The following SYCE1L variants were observed in gnomAD, a reference collection of about 807,000 sequenced individuals.
SYCE1L encodes synaptonemal complex central element protein 1 like.
SYCE1L carries 51 observed loss-of-function variants against 39.6 expected under a neutral mutation model. The observed-to-expected ratio is 1.29, with a 90% CI of 1.03 to 1.63. SYCE1L has a LOEUF of 1.63. Ranked by LOEUF, SYCE1L falls within the 40% of genes most tolerant of loss-of-function variation. SYCE1L has a pLI of 0.00. For missense variants in SYCE1L, 426 were observed against 304.9 expected (o/e 1.40, Z -2.96); for synonymous variants, 147 against 122.4 (o/e 1.20, Z -1.33).
Position 77,212,663 on chromosome 16 carries a change from A to C in SYCE1L, c.654+17A>C, listed in dbSNP as rs2054833846. 3 of 1,529,280 alleles carry C rather than the reference A, an allele frequency of 2.0e-6. No individual in the cohort carries two copies. The highest frequency in any genetic ancestry group is 2.6e-6 in the Non-Finnish European group (3 of 1,143,944). 94.7% of individuals were successfully genotyped at this position (1,529,280 alleles called of 1,614,324 possible). A position where few individuals can be genotyped will look rare whatever the true frequency, so the allele number is the denominator to read the frequency against. On this transcript the variant is annotated intron_variant, in intron 10 of 10. Coordinates refer to ENST00000378644, the MANE Select transcript of SYCE1L (RefSeq NM_001129979.3). ...GAGGGAGAGGTAGGGAGCCCGAGGA[A>C]GGGAGGCGGGGCGGGCAGGGACCGA...
At chr16:77,202,744 A>G (rs2054755462) in intron 1 of SYCE1L, among the ~76,000 whole-genome samples, 1 of 152,228 alleles carries the variant, frequency 6.6e-6, no homozygotes, top group Non-Finnish European at 1.5e-5. Flanking sequence ...TTCTGGGAAT[A>G]AAATGTCAAG....
In SYCE1L at chr16:77,212,613, G is replaced by C. The variant is rs970259181; in HGVS notation, c.621G>C (p.Arg207=). 1.3e-6 allele frequency: 2 copies of C among 1,535,956 alleles called. No homozygotes were observed. Among genetic ancestry groups the C allele is most frequent in the Non-Finnish European group, 8.7e-7 (1 of 1,146,454 alleles). ...AELEIFGEQV[R]SAPEVGAGEG... is the part of the protein sequence containing the mutation. ...TGGAGATATTCGGGGAGCAGGTCCGGAGCGCCCCCGAGGTCGGGGCCGGCG... is the reference window on the plus strand; with the variant it reads ...TGGAGATATTCGGGGAGCAGGTCCGCAGCGCCCCCGAGGTCGGGGCCGGCG... The change falls in exon 10 of 11, where the codon CGG becomes CGC. Residue 207 remains arginine, a synonymous_variant. Coordinates refer to ENST00000378644, the MANE Select transcript of SYCE1L (RefSeq NM_001129979.3).
chr16:77,202,049 T>A (rs1361821412), intron 1 of SYCE1L: 1 of 152,206 alleles, frequency 6.6e-6, no homozygotes, highest in Non-Finnish European at 1.5e-5. Context: ...TGTGATTTAT[T>A]GTTCTATTTT....
Position 77,199,459 on chromosome 16 carries a change from G to C in SYCE1L, c.8G>C (p.Gly3Ala). MAGKLKPLNVEAP... is the reference protein window; with the variant it reads MAAKLKPLNVEAP... ...CAGGCCCCGCGTTGGAAAATGGCGG[G>C]GAAGCTGAAACCTCTGAATGTGGAG... is the stretch of plus-strand genomic sequence containing the variant. The change falls in exon 1 of 11, where the codon GGG becomes GCG. Residue 3 changes from glycine (G) to alanine (A), a missense_variant. Coordinates refer to ENST00000378644, the MANE Select transcript of SYCE1L (RefSeq NM_001129979.3). 2 of 1,551,536 alleles carry C rather than the reference G, an allele frequency of 1.3e-6. No individual in the cohort carries two copies. The highest frequency in any genetic ancestry group is 2.4e-5 in the South Asian group (2 of 84,048).
Position 77,212,178 on chromosome 16 carries a change from A to G in SYCE1L, c.472A>G (p.Lys158Glu), listed in dbSNP as rs1360702984. The change falls in exon 8 of 11, where the codon AAG becomes GAG. Residue 158 changes from lysine to glutamate, a missense_variant. Transcript: ENST00000378644. ...GGAGATCCGTGCCCTGGAGAGAAGC[A>G]AGGAGCAGCTGCTCTCGGAGAGTGA... is the stretch of plus-strand genomic sequence containing the variant. The part of the protein sequence containing the change: ...AREIRALERS[K>E]EQLLSERRLV... The G allele has an allele frequency of 6.5e-7, 1 of 1,548,938 alleles. No homozygotes were observed. Among genetic ancestry groups the G allele is most frequent in the African/African-American group, 1.4e-5 (1 of 72,934 alleles).
intron 2 of SYCE1L, 40 bp from the exon 3 acceptor site, chr16:77,208,170 A>C: frequency 1.9e-6 from 3 of 1,539,524 alleles, no homozygotes; most frequent in Non-Finnish European, 2.6e-6. Context: ...GCCAGACACC[A>C]GTCTTCTCTG....
At chr16:77,205,122 T>TA (rs1249480065) in intron 1 of SYCE1L, among the ~76,000 whole-genome samples, 7 of 151,402 alleles carry the variant, frequency 4.6e-5, no homozygotes, top group Non-Finnish European at 1.5e-5. Context: ...TCCAGGTACC[T>TA]ACACATAGCT....
At chr16:77,203,224 G>A (rs1032683041) in intron 1 of SYCE1L, among the ~76,000 whole-genome samples, 3 of 152,172 alleles carry the variant, frequency 2.0e-5, no homozygotes, top group African/African-American at 4.8e-5. Flanking sequence ...TGTTGTCACC[G>A]AACTGCTGGC....
chr16:77,209,812 A>G (rs2054810388), intron 6 of SYCE1L, among the ~76,000 whole-genome samples: 1 of 151,990 alleles, frequency 6.6e-6, no homozygotes, highest in Non-Finnish European at 1.5e-5. Context: ...TTGCCCACCC[A>G]TTCATCTATC....
At chr16:77,201,123 C>T (rs1473698841) in intron 1 of SYCE1L, 1 of 152,176 alleles carries the variant, frequency 6.6e-6, no homozygotes. Flanking sequence ...GCACCTAAAA[C>T]AATGCCTGCT....
chr16:77,210,527 T>C (rs553551847), intron 6 of SYCE1L, among the ~76,000 whole-genome samples: 7 of 152,258 alleles, frequency 4.6e-5, no homozygotes, highest in Admixed American at 1.3e-4. Flanking sequence ...TTATAGGAGT[T>C]AAGGCTAATG....
At chr16:77,212,790 A>AGGGCAGACGC (rs938129897) in intron 10 of SYCE1L, 67 bp from the exon 11 acceptor site, 2 of 1,430,352 alleles carry the variant, frequency 1.4e-6, no homozygotes, top group Non-Finnish European at 1.8e-6. Context: ...GTGGAGGCCT[A>AGGGCAGACGC]GGGCAGACGC....
intron 1 of SYCE1L, chr16:77,199,825 C>A (rs904656183): frequency 8.2e-6 from 2 of 243,254 alleles, no homozygotes; most frequent in South Asian, 1.7e-4. Context: ...TAACAATCAC[C>A]GTGCTGCAGC....
intron 5 of SYCE1L, 59 bp downstream of exon 5, chr16:77,209,203 C>T: frequency 6.5e-7 from 1 of 1,527,170 alleles, no homozygotes; most frequent in Admixed American, 2.0e-5. Context: ...AAAGTCTATG[C>T]TCCTCAGAGC....
chr16:77,211,379 A>T, intron 7 of SYCE1L, 103 bp downstream of exon 7: 8 of 1,324,714 alleles, frequency 6.0e-6, no homozygotes, highest in Non-Finnish European at 8.5e-6. Flanking sequence ...ATGCCGCGGG[A>T]TAGTCCTTGA....
chr16:77,209,044 C>A, intron 4 of SYCE1L, 53 bp from the exon 5 acceptor site: 2 of 1,538,990 alleles, frequency 1.3e-6, no homozygotes, highest in Non-Finnish European at 1.8e-6. Context: ...TGAAGTTGCA[C>A]TGGGGATGGC....
chr16:77,209,448 A>G lies in SYCE1L; in HGVS notation c.336A>G (p.Gln112=). The change falls in exon 6 of 11, where the codon CAA becomes CAG. Residue 112 remains glutamine, a synonymous_variant. Coordinates refer to ENST00000378644, the MANE Select transcript of SYCE1L (RefSeq NM_001129979.3). ...TGAGGATCCTCCAGATGCACTGCCA[A>G]GAGAAGGAAAGCGAGGCTCAGAGGT... ...EALRILQMHC[Q]EKESEAQRLD... The G allele has an allele frequency of 6.4e-7, 1 of 1,551,780 alleles. No homozygotes were observed. The highest frequency in any genetic ancestry group is 1.7e-4 in the Middle Eastern group (1 of 5,996).
chr16:77,199,535 A>G (rs1356334179), intron 1 of SYCE1L, 23 bp downstream of exon 1: 2 of 1,535,432 alleles, frequency 1.3e-6, no homozygotes, highest in African/African-American at 1.4e-5. Flanking sequence ...AGTGGGCTGC[A>G]CTCCTTTCTC....
Position 77,206,513 on chromosome 16 carries a change from T to C in SYCE1L, c.121+13T>C. ...AAGCTGCAGAAAGGTCATGTGTCTC[T>C]TTGTTTCTGAGCCTCAGCCTGGGGT... On this transcript the variant is annotated intron_variant, in intron 2 of 10. Transcript: ENST00000378644. 2.6e-6 allele frequency: 4 copies of C among 1,551,650 alleles called. No individual in the cohort carries two copies. Among genetic ancestry groups the C allele is most frequent in the African/African-American group, 1.4e-5 (1 of 73,166 alleles).
Sources: allele counts gnomAD v4.1 joint callset (sites outside exome capture counted in the v4.1 genomes callset), GRCh38; gene constraint gnomAD v4.1.1; transcripts MANE v1.5; gene names NCBI Gene and HGNC (gene_info 2026-07-23, HGNC 2026-07-21).